The following ST3GAL1 variants were observed in gnomAD, a reference collection of about 807,000 sequenced individuals.
The protein encoded by ST3GAL1 is CMP-N-acetylneuraminate-beta-galactosamide-alpha-2,3-sialyltransferase 1.
Under a neutral mutation model 34.1 loss-of-function variants are expected in ST3GAL1, and 16 were observed. That is an observed-to-expected ratio of 0.47 (90% CI 0.32 to 0.71). ST3GAL1 has a LOEUF of 0.71. Among genes scored for constraint, ST3GAL1 ranks in the 30% least tolerant of loss-of-function variants. The probability of loss-of-function intolerance (pLI) is 0.04; values close to 1 mark genes in which losing one functional copy is unlikely to be tolerated. For missense variants in ST3GAL1, 353 were observed against 447.4 expected (o/e 0.79, Z 1.90); for synonymous variants, 191 against 184.7 (o/e 1.03, Z -0.28).
At chr8:133,554,662 C>T (rs1818953900) in intron 1 of ST3GAL1, among the ~76,000 whole-genome samples, 2 of 152,102 alleles carry the variant, frequency 1.3e-5, no homozygotes, top group African/African-American at 4.8e-5. Flanking sequence ...TTTAACTGAA[C>T]ACCTGCTTTC....
chr8:133,468,146 C>T (rs190301597), intron 5 of ST3GAL1, among the ~76,000 whole-genome samples: 119 of 152,154 alleles, frequency 7.8e-4, no homozygotes, highest in African/African-American at 2.7e-3. Context: ...AGCAGGGTCT[C>T]AAGCAGATAT....
At chr8:133,554,420 C>T (rs909210343) in intron 1 of ST3GAL1, among the ~76,000 whole-genome samples, 2 of 152,112 alleles carry the variant, frequency 1.3e-5, no homozygotes, top group African/African-American at 2.4e-5. Context: ...ATCCTACACT[C>T]GACAGTGGGA....
chr8:133,568,101 C>T (rs3739259), intron 1 of ST3GAL1, among the ~76,000 whole-genome samples: 123,105 of 151,920 alleles, frequency 0.81, 50,641 homozygotes, highest in African/African-American at 0.95. Flanking sequence ...TTTGTATTTT[C>T]AGTAGAGGCA....
chr8:133,539,587 C>T (rs1818408082), intron 2 of ST3GAL1: 1 of 152,202 alleles, frequency 6.6e-6, no homozygotes, highest in Non-Finnish European at 1.5e-5. Flanking sequence ...ATTAATTGAT[C>T]TTTTTCTCCC....
intron 1 of ST3GAL1, among the ~76,000 whole-genome samples, chr8:133,550,520 C>A (rs1000425336): frequency 1.3e-5 from 2 of 152,162 alleles, no homozygotes; most frequent in Non-Finnish European, 2.9e-5. Flanking sequence ...GGGCCTTAGA[C>A]CCGGGGTTCA....
At chr8:133,478,663 G>A (rs1014822074) in intron 3 of ST3GAL1, among the ~76,000 whole-genome samples, 2 of 152,172 alleles carry the variant, frequency 1.3e-5, no homozygotes, top group Admixed American at 6.5e-5. Context: ...CTGCTTTGCC[G>A]ATGGCTCTTA....
intron 1 of ST3GAL1, among the ~76,000 whole-genome samples, chr8:133,547,589 G>A (rs1282329210): frequency 3.9e-5 from 6 of 152,150 alleles, no homozygotes; most frequent in Non-Finnish European, 7.3e-5. Context: ...ACAATGTGTG[G>A]AGAGAGGCTG....
intron 7 of ST3GAL1, among the ~76,000 whole-genome samples, chr8:133,464,534 C>T (rs1318418896): frequency 2.6e-5 from 4 of 152,202 alleles, no homozygotes; most frequent in Admixed American, 6.5e-5. Flanking sequence ...CTCCAGGGCG[C>T]GTGGAGGTCC....
rs1411901206 is a variant in ST3GAL1 at position 133,458,704 on chromosome 8, T to A, written c.*1060A>T. The A allele has an allele frequency of 6.6e-6, 1 of 152,134 alleles. No individual in the cohort carries two copies. Among genetic ancestry groups the A allele is most frequent in the Non-Finnish European group, 1.5e-5 (1 of 68,038 alleles). The allele number at this position is 152,134 out of a possible 1,614,324, so 9.4% of individuals were successfully genotyped here. Reference sequence around the variant, plus strand: ...GGGTCCCTTTTCCCAAGTAAGGGCTTTTGTTTCATTTCAGCCAATGCATGC... The same window carrying A: ...GGGTCCCTTTTCCCAAGTAAGGGCTATTGTTTCATTTCAGCCAATGCATGC... On this transcript the variant is annotated 3_prime_UTR_variant, in exon 10 of 10. Coordinates refer to ENST00000522652, the MANE Select transcript of ST3GAL1 (RefSeq NM_173344.3).
At chr8:133,478,839 C>G (rs1296131247) in intron 3 of ST3GAL1, among the ~76,000 whole-genome samples, 1 of 152,188 alleles carries the variant, frequency 6.6e-6, no homozygotes, top group Non-Finnish European at 1.5e-5. Flanking sequence ...AGGATGGAAA[C>G]TCAGCCTCAC....
chr8:133,510,003 G>A (rs953253548), intron 2 of ST3GAL1, among the ~76,000 whole-genome samples: 2 of 149,468 alleles, frequency 1.3e-5, no homozygotes, highest in Non-Finnish European at 1.5e-5. Flanking sequence ...AGGTTGCAGT[G>A]AGCCAAGATC....
At chr8:133,497,638 A>G (rs1039087606) in intron 3 of ST3GAL1, among the ~76,000 whole-genome samples, 3 of 151,596 alleles carry the variant, frequency 2.0e-5, no homozygotes, top group African/African-American at 7.3e-5. Context: ...ATGCCTGGCT[A>G]ATTTTTGTAT....
intron 2 of ST3GAL1, among the ~76,000 whole-genome samples, chr8:133,533,660 C>G (rs1188061891): frequency 6.6e-6 from 1 of 152,228 alleles, no homozygotes; most frequent in African/African-American, 2.4e-5. Context: ...GTACTGCTCC[C>G]TGTCCCAGCC....
At chr8:133,475,123 G>T (rs1816119548) in intron 5 of ST3GAL1, among the ~76,000 whole-genome samples, 1 of 152,232 alleles carries the variant, frequency 6.6e-6, no homozygotes, top group Non-Finnish European at 1.5e-5. Flanking sequence ...CTGATGACAG[G>T]TGTCCTCATA....
Position 133,459,799 on chromosome 8 carries a change from A to G in ST3GAL1, c.988T>C (p.Ser330Pro). Residue 330 changes from serine to proline, a missense_variant, in exon 10 of 10, where the codon TCC becomes CCC. By Grantham distance (74) the Ser-to-Pro change is moderately conservative. Coordinates refer to ENST00000522652, the MANE Select transcript of ST3GAL1 (RefSeq NM_173344.3). This position sits in a 1 kb window ranked among gnomAD's most constrained non-coding sequence, Gnocchi z 4.7. Reference sequence around the variant, plus strand: ...TTGAAGATCCGGATTTTATTGATGGAGGCCAAGGTGGCCGTCACGTTAGAC... The same window carrying G: ...TTGAAGATCCGGATTTTATTGATGGGGGCCAAGGTGGCCGTCACGTTAGAC... Reference protein sequence around the residue: ...FESNVTATLASINKIRIFKGR With the variant: ...FESNVTATLAPINKIRIFKGR 1 of 1,613,450 alleles carries G rather than the reference A, an allele frequency of 6.2e-7. No individual in the cohort carries two copies. The highest frequency in any genetic ancestry group is 8.5e-7 in the Non-Finnish European group (1 of 1,179,680).
intron 2 of ST3GAL1, among the ~76,000 whole-genome samples, chr8:133,544,673 G>A (rs1424763248): frequency 6.6e-6 from 1 of 152,162 alleles, no homozygotes. Flanking sequence ...AAGGGCTCAA[G>A]CTCACATCCA....
chr8:133,506,939 A>T (rs1817360551), intron 2 of ST3GAL1, among the ~76,000 whole-genome samples: 2 of 117,070 alleles, frequency 1.7e-5, no homozygotes, highest in African/African-American at 7.3e-5. Context: ...AAATAAATAT[A>T]TAAATAAATA....
intron 1 of ST3GAL1, among the ~76,000 whole-genome samples, chr8:133,566,584 T>G (rs1179896534): frequency 6.6e-6 from 1 of 152,062 alleles, no homozygotes; most frequent in African/African-American, 2.4e-5. Flanking sequence ...CTCACGGAAA[T>G]GCAGGGACTT....
Position 133,570,800 on chromosome 8 carries a change from C to A in ST3GAL1, c.-582+893G>T, listed in dbSNP as rs567017302. 2.0e-5 allele frequency among the ~76,000 whole-genome samples: 3 copies of A among 152,382 alleles called. No individual in the cohort carries two copies. The East Asian group carries it at 5.8e-4, about 29-fold the overall frequency. ...AGAGCGCCTCGCCCCAGGGTCACCG[C>A]TGTCCGTCCCCGTGCGCTCCCAGAA... On this transcript the variant is annotated intron_variant, in intron 1 of 9. Coordinates refer to ENST00000522652, the MANE Select transcript of ST3GAL1 (RefSeq NM_173344.3). The surrounding 1 kb of genome is among the most constrained non-coding windows in gnomAD (Gnocchi z 5.6).
Sources: gnomAD v4.1 joint callset for allele counts (sites outside exome capture counted in the v4.1 genomes callset) on GRCh38, gnomAD v4.1.1 for gene constraint, Gnocchi (gnomAD v3.1) non-coding constraint, MANE v1.5 for transcripts, NCBI Gene and HGNC (gene_info 2026-07-23, HGNC 2026-07-21) for gene names.